The following SPATA16 variants were observed in gnomAD, a reference collection of about 807,000 sequenced individuals.
The protein encoded by SPATA16 is spermatogenesis-associated protein 16.
Under a neutral mutation model 63.3 loss-of-function variants are expected in SPATA16, and 36 were observed. That is an observed-to-expected ratio of 0.57 (90% CI 0.44 to 0.75). The LOEUF (loss-of-function observed/expected upper bound fraction) is 0.75, where lower values mean the gene tolerates loss of function less well. Among genes scored for constraint, SPATA16 ranks in the 30% least tolerant of loss-of-function variants. The pLI is 0.00. For missense variants in SPATA16, 646 were observed against 679.3 expected, an observed-to-expected ratio of 0.95 and a Z score of 0.54; for synonymous variants, 203 against 216.7, an observed-to-expected ratio of 0.94 and a Z score of 0.56.
At chr3:173,130,572 C>T (rs975153120) in intron 1 of SPATA16, among the ~76,000 whole-genome samples, 14 of 151,850 alleles carry the variant, frequency 9.2e-5, no homozygotes, top group African/African-American at 1.9e-4. Flanking sequence ...ATGATTTGCC[C>T]GAGGATAAAC....
chr3:173,029,408 T>TTTG (rs1332113961), intron 3 of SPATA16, among the ~76,000 whole-genome samples: 5 of 136,380 alleles, frequency 3.7e-5, no homozygotes, highest in Non-Finnish European at 6.0e-5. Context: ...TAATCAGAGT[T>TTTG]TTTTTTTTGT....
At chr3:172,971,592 A>G (rs1196784104) in intron 5 of SPATA16, among the ~76,000 whole-genome samples, 3 of 152,054 alleles carry the variant, frequency 2.0e-5, no homozygotes, top group Non-Finnish European at 2.9e-5. Flanking sequence ...TATTTTGTTC[A>G]CTCCTGTATC....
chr3:173,011,473 G>C (rs1735073414), intron 4 of SPATA16, among the ~76,000 whole-genome samples: 1 of 152,162 alleles, frequency 6.6e-6, no homozygotes, highest in Admixed American at 6.5e-5. Flanking sequence ...GAGATCAGGT[G>C]CATTCAGGGT....
intron 1 of SPATA16, among the ~76,000 whole-genome samples, chr3:173,126,030 C>G (rs76907203): frequency 2.0e-5 from 3 of 146,390 alleles, no homozygotes; most frequent in African/African-American, 7.3e-5. Context: ...CTTCTCTAGG[C>G]GCTGTAGCAT....
intron 2 of SPATA16, among the ~76,000 whole-genome samples, chr3:173,096,352 C>CT (rs1338997657): frequency 1.3e-5 from 2 of 152,062 alleles, no homozygotes; most frequent in Non-Finnish European, 2.9e-5. Flanking sequence ...CCAAAAGGGA[C>CT]TTTTTGAACT....
intron 6 of SPATA16, 45 bp from the exon 7 acceptor site, chr3:172,925,537 T>C: frequency 6.2e-7 from 1 of 1,613,262 alleles, no homozygotes. Context: ...GTTATGGTTT[T>C]AATATTTTTA....
intron 2 of SPATA16, among the ~76,000 whole-genome samples, chr3:173,054,902 AATAATTCAGAGC>A (rs1364365336): frequency 2.0e-5 from 3 of 152,238 alleles, no homozygotes; most frequent in Non-Finnish European, 4.4e-5. Context: ...AGAAAACTGA[AATAATTCAGAGC>A]ATGTTCTCTG....
At chr3:172,984,012 C>G (rs1471021936) in intron 4 of SPATA16, among the ~76,000 whole-genome samples, 1 of 147,292 alleles carries the variant, frequency 6.8e-6, no homozygotes, top group Non-Finnish European at 1.5e-5. Context: ...TCTAAATAAG[C>G]TTCACATTTT....
At chr3:173,104,926 T>C (rs1737584233) in intron 2 of SPATA16, among the ~76,000 whole-genome samples, 1 of 152,224 alleles carries the variant, frequency 6.6e-6, no homozygotes, top group South Asian at 2.1e-4. Context: ...GTTCCATTTC[T>C]ATTTTCCTTT....
At chr3:172,925,300 A>G (rs1732702430) in intron 7 of SPATA16, 46 bp downstream of exon 7, 2 of 1,611,420 alleles carry the variant, frequency 1.2e-6, no homozygotes, top group Non-Finnish European at 1.7e-6. Context: ...CCCAAAACTC[A>G]TCACAGGCTA....
intron 2 of SPATA16, among the ~76,000 whole-genome samples, chr3:173,115,032 A>G (rs1339975093): frequency 6.6e-6 from 1 of 152,194 alleles, no homozygotes; most frequent in Admixed American, 6.5e-5. Context: ...AATTAGTGTC[A>G]GCATCCAAAA....
chr3:173,058,515 C>T, intron 2 of SPATA16, among the ~76,000 whole-genome samples: 1 of 152,046 alleles, frequency 6.6e-6, no homozygotes, highest in Non-Finnish European at 1.5e-5. Flanking sequence ...AAAAGTTTTA[C>T]ACTTTTGCAA....
At chr3:172,943,569 A>T (rs9865656) in intron 6 of SPATA16, among the ~76,000 whole-genome samples, 10 of 152,016 alleles carry the variant, frequency 6.6e-5, no homozygotes, top group African/African-American at 2.4e-4. Context: ...GTGAAACCCC[A>T]TCCCTACTAA....
intron 3 of SPATA16, among the ~76,000 whole-genome samples, chr3:173,027,879 G>T (rs73177009): frequency 0.11 from 16,454 of 151,714 alleles, 1,068 homozygotes; most frequent in East Asian, 0.13. Flanking sequence ...ATTTTTGCCT[G>T]GATGCTGAGA....
At chr3:172,948,312 C>T (rs964069501) in intron 6 of SPATA16, among the ~76,000 whole-genome samples, 2 of 152,010 alleles carry the variant, frequency 1.3e-5, no homozygotes, top group African/African-American at 4.8e-5. Flanking sequence ...ATAGGCCAGG[C>T]CGGAGTAGCA....
chr3:173,078,598 A>G (rs1316126676), intron 2 of SPATA16, among the ~76,000 whole-genome samples: 1 of 152,168 alleles, frequency 6.6e-6, no homozygotes, highest in East Asian at 1.9e-4. Flanking sequence ...ATAATATTCA[A>G]AACACCATAA....
chr3:173,061,606 G>A (rs1736380068), intron 2 of SPATA16, among the ~76,000 whole-genome samples: 1 of 152,134 alleles, frequency 6.6e-6, no homozygotes, highest in South Asian at 2.1e-4. Context: ...GACATCAAGG[G>A]TATTGCAATT....
At chr3:172,958,729 G>GT (rs1356830019) in intron 5 of SPATA16, among the ~76,000 whole-genome samples, 13 of 152,176 alleles carry the variant, frequency 8.5e-5, no homozygotes, top group African/African-American at 2.2e-4. Context: ...TACTTGGCTT[G>GT]TAGATGGCTG....
chr3:172,933,716 G>C (rs538507286), intron 6 of SPATA16, among the ~76,000 whole-genome samples: 5 of 152,186 alleles, frequency 3.3e-5, no homozygotes, highest in African/African-American at 1.2e-4. Context: ...ATGTAAATCA[G>C]TGTGTTCCAA....
Sources: gnomAD v4.1 joint callset for allele counts (sites outside exome capture counted in the v4.1 genomes callset) on GRCh38, gnomAD v4.1.1 for gene constraint, MANE v1.5 for transcripts, NCBI Gene and HGNC (gene_info 2026-07-23, HGNC 2026-07-21) for gene names.